COL22A1: variants seen among roughly 807,000 people sequenced by gnomAD.
The protein encoded by COL22A1 is collagen type XXII alpha 1 chain.
COL22A1 carries 221 observed loss-of-function variants against 248.9 expected under a neutral mutation model. The observed-to-expected ratio is 0.89, with a 90% confidence interval of 0.80 to 0.99. COL22A1 has a LOEUF of 0.99. COL22A1 is among the 50% of genes least tolerant of loss of function. COL22A1 has a pLI of 0.00. For missense variants in COL22A1, 2,240 were observed against 2,179.0 expected, an observed-to-expected ratio of 1.03 and a Z score of -0.56; for synonymous variants, 891 against 793.4, an observed-to-expected ratio of 1.12 and a Z score of -2.07.
intron 38 of COL22A1, 117 bp from the exon 39 acceptor site, chr8:138,684,586 C>T: frequency 2.6e-6 from 2 of 766,880 alleles, no homozygotes; most frequent in South Asian, 2.8e-5. Context: ...GTGAGACTCA[C>T]TATGACCTGA....
intron 7 of COL22A1, among the ~76,000 whole-genome samples, chr8:138,816,680 C>T (rs55850340): frequency 1.6e-3 from 246 of 152,320 alleles, no homozygotes; most frequent in Non-Finnish European, 2.9e-3. Context: ...ACTCACAGGG[C>T]TGTGGTGGGA....
At chr8:138,714,058 G>A (rs1829241542) in intron 30 of COL22A1, among the ~76,000 whole-genome samples, 1 of 152,180 alleles carries the variant, frequency 6.6e-6, no homozygotes, top group Non-Finnish European at 1.5e-5. Flanking sequence ...GGAGAGAGTA[G>A]GCATACATCC....
At chr8:138,855,340 G>GC (rs1292372631) in intron 3 of COL22A1, among the ~76,000 whole-genome samples, 3 of 152,206 alleles carry the variant, frequency 2.0e-5, no homozygotes, top group Non-Finnish European at 4.4e-5. Context: ...GAGAGGTAAA[G>GC]CCCCTCATCC....
At chr8:138,616,768 C>T (rs1238597818) in intron 54 of COL22A1, 146 bp downstream of exon 54, 2 of 853,208 alleles carry the variant, frequency 2.3e-6, no homozygotes, top group Non-Finnish European at 3.8e-6. Flanking sequence ...AAAGGTGTCC[C>T]TGTGCTGGCT....
At chr8:138,827,759 C>T (rs1819709302) in intron 5 of COL22A1, among the ~76,000 whole-genome samples, 1 of 151,858 alleles carries the variant, frequency 6.6e-6, no homozygotes, top group South Asian at 2.1e-4. Flanking sequence ...TCCCTCTGTC[C>T]TCGGAGCACT....
intron 4 of COL22A1, among the ~76,000 whole-genome samples, chr8:138,839,072 G>A (rs995224812): frequency 1.3e-5 from 2 of 152,186 alleles, no homozygotes; most frequent in African/African-American, 4.8e-5. Context: ...AGTAGATGGA[G>A]AGCTCTTTCA....
chr8:138,793,136 C>T (rs1401969562), intron 12 of COL22A1, among the ~76,000 whole-genome samples: 1 of 152,230 alleles, frequency 6.6e-6, no homozygotes, highest in African/African-American at 2.4e-5. Flanking sequence ...GTATTACCAT[C>T]CCTGGACTCA....
At chr8:138,689,164 G>C (rs556328368) in intron 36 of COL22A1, among the ~76,000 whole-genome samples, 194 bp from the exon 37 acceptor site, 7 of 146,306 alleles carry the variant, frequency 4.8e-5, no homozygotes, top group Non-Finnish European at 1.0e-4. Flanking sequence ...CTCCCGGGGG[G>C]GGGGCTGGCC....
chr8:138,637,733 T>G (rs1050472271), intron 47 of COL22A1, among the ~76,000 whole-genome samples: 1 of 152,186 alleles, frequency 6.6e-6, no homozygotes, highest in African/African-American at 2.4e-5. Context: ...ACCTAAAATA[T>G]ACAAAGTGCT....
chr8:138,616,055 C>G lies in COL22A1; in HGVS notation c.3871-1G>C, dbSNP rs1476305524. 6.2e-7 allele frequency: 1 copy of G among 1,612,912 alleles called. No individual in the cohort carries two copies. On this transcript the variant is annotated splice_acceptor_variant, in intron 54 of 64. Coordinates refer to ENST00000303045, the MANE Select transcript of COL22A1 (RefSeq NM_152888.3). LOFTEE classifies it high-confidence loss of function. ...GAAGCCCCATGGCACCAGACTCTCCCTAGGAACAAAAAAGCCTGCTATTAG... is the reference window on the plus strand; with the variant it reads ...GAAGCCCCATGGCACCAGACTCTCCGTAGGAACAAAAAAGCCTGCTATTAG...
intron 3 of COL22A1, among the ~76,000 whole-genome samples, chr8:138,849,911 G>A (rs1821505647): frequency 6.6e-6 from 1 of 152,162 alleles, no homozygotes; most frequent in Non-Finnish European, 1.5e-5. Flanking sequence ...ATAATAACCA[G>A]CCAATCGCTG....
intron 39 of COL22A1, among the ~76,000 whole-genome samples, chr8:138,682,375 CAT>C (rs1826031175): frequency 6.6e-6 from 1 of 152,172 alleles, no homozygotes; most frequent in Non-Finnish European, 1.5e-5. Context: ...AAATTGTTTT[CAT>C]AGACATATGC....
intron 19 of COL22A1, 68 bp downstream of exon 19, chr8:138,755,717 T>C (rs995365650): frequency 1.1e-5 from 17 of 1,504,162 alleles, no homozygotes; most frequent in Non-Finnish European, 1.6e-5. Context: ...TTCTTAGAGG[T>C]GAAGACTCAT....
At chr8:138,622,855 A>C (rs368720975) in intron 52 of COL22A1, among the ~76,000 whole-genome samples, 1 of 152,040 alleles carries the variant, frequency 6.6e-6, no homozygotes. Flanking sequence ...TCATTTAACT[A>C]GTCTCATACT....
chr8:138,700,913 A>C (rs1008218341), intron 31 of COL22A1, among the ~76,000 whole-genome samples: 1 of 136,378 alleles, frequency 7.3e-6, no homozygotes, highest in African/African-American at 2.7e-5. Context: ...TGAACCCAGG[A>C]GGCGGAGCTT....
intron 11 of COL22A1, among the ~76,000 whole-genome samples, 190 bp from the exon 12 acceptor site, chr8:138,797,047 G>A (rs1816607174): frequency 6.6e-6 from 1 of 152,088 alleles, no homozygotes; most frequent in Non-Finnish European, 1.5e-5. Flanking sequence ...CTCACTTAAT[G>A]TTTCCAATAA....
intron 9 of COL22A1, among the ~76,000 whole-genome samples, chr8:138,809,877 C>T (rs1818059551): frequency 6.6e-6 from 1 of 152,176 alleles, no homozygotes. Context: ...TATATCAACT[C>T]AGCTCTTATT....
intron 46 of COL22A1, among the ~76,000 whole-genome samples, chr8:138,648,757 T>C (rs1202888470): frequency 2.0e-5 from 3 of 152,158 alleles, no homozygotes; most frequent in Non-Finnish European, 4.4e-5. Flanking sequence ...AAGTTTATTT[T>C]CACTTTGGAT....
intron 53 of COL22A1, among the ~76,000 whole-genome samples, chr8:138,617,451 C>A (rs946330174): frequency 3.3e-5 from 5 of 152,088 alleles, no homozygotes; most frequent in Admixed American, 2.0e-4. Context: ...AGCTACATCC[C>A]GGGCCATAGT....
Sources: gnomAD v4.1 joint callset for allele counts (sites outside exome capture counted in the v4.1 genomes callset) on GRCh38, gnomAD v4.1.1 for gene constraint, MANE v1.5 for transcripts, NCBI Gene and HGNC (gene_info 2026-07-23, HGNC 2026-07-21) for gene names.